Variants in MEIS2 observed in about 807,000 individuals in gnomAD.
MEIS2 encodes homeobox protein Meis2.
MEIS2 carries 9 observed loss-of-function variants against 58.6 expected under a neutral mutation model. That is an observed-to-expected ratio of 0.15 (90% CI 0.09 to 0.27). The LOEUF (loss-of-function observed/expected upper bound fraction) is 0.27, where lower values mean the gene tolerates loss of function less well. Among genes scored for constraint, MEIS2 ranks in the 10% least tolerant of loss-of-function variants. The pLI is 1.00. For synonymous variants in MEIS2, 221 were observed against 228.4 expected (o/e 0.97, Z 0.29); for missense variants, 427 against 635.0 (o/e 0.67, Z 3.52).
At chr15:36,959,112 G>A (rs1260894157) in intron 8 of MEIS2, among the ~76,000 whole-genome samples, 1 of 152,072 alleles carries the variant, frequency 6.6e-6, no homozygotes, top group Non-Finnish European at 1.5e-5. Flanking sequence ...TGAGGTTGAC[G>A]GAGGCAAAAT....
At chr15:37,035,813 A>T (rs1567209529) in intron 8 of MEIS2, among the ~76,000 whole-genome samples, 1 of 152,214 alleles carries the variant, frequency 6.6e-6, no homozygotes, top group South Asian at 2.1e-4. Context: ...ACCATAAATA[A>T]AAGTGGAACC....
At chr15:36,924,568 G>C (rs2057665052) in intron 9 of MEIS2, among the ~76,000 whole-genome samples, 1 of 152,182 alleles carries the variant, frequency 6.6e-6, no homozygotes, top group South Asian at 2.1e-4. Flanking sequence ...CGCCAGTGAG[G>C]ACTGGCCTGT....
chr15:37,016,491 A>G (rs2061352144), intron 8 of MEIS2, among the ~76,000 whole-genome samples: 1 of 152,094 alleles, frequency 6.6e-6, no homozygotes, highest in African/African-American at 2.4e-5. Context: ...CAACTGTATC[A>G]ACGGTAGCAA....
At chr15:36,977,933 A>G (rs1567135325) in intron 8 of MEIS2, among the ~76,000 whole-genome samples, 1 of 152,142 alleles carries the variant, frequency 6.6e-6, no homozygotes, top group Non-Finnish European at 1.5e-5. Context: ...ACTACTATAC[A>G]CAAAATACCC....
At chr15:37,068,741 C>T (rs553979368) in intron 7 of MEIS2, among the ~76,000 whole-genome samples, 93 of 148,456 alleles carry the variant, frequency 6.3e-4, no homozygotes, top group African/African-American at 1.9e-3. Context: ...TAAGTAAAAT[C>T]TTTTTTTTTT....
intron 8 of MEIS2, among the ~76,000 whole-genome samples, chr15:36,970,618 G>A (rs1231307323): frequency 2.0e-5 from 3 of 152,118 alleles, no homozygotes; most frequent in Non-Finnish European, 4.4e-5. Flanking sequence ...ATAGCACAAG[G>A]AAAGTGATTC....
intron 8 of MEIS2, among the ~76,000 whole-genome samples, chr15:37,031,670 G>A (rs1476944307): frequency 6.6e-6 from 1 of 152,024 alleles, no homozygotes; most frequent in Non-Finnish European, 1.5e-5. Flanking sequence ...GTAGTAAAAT[G>A]AGTAAACACC....
At chr15:36,892,720 A>C (rs1778945530) in intron 11 of MEIS2, among the ~76,000 whole-genome samples, 1 of 152,222 alleles carries the variant, frequency 6.6e-6, no homozygotes, top group South Asian at 2.1e-4. Context: ...ACTGTTTTTC[A>C]AAATGGTATT....
chr15:36,984,045 G>A (rs543024963), intron 8 of MEIS2, among the ~76,000 whole-genome samples: 6 of 151,542 alleles, frequency 4.0e-5, no homozygotes, highest in South Asian at 2.1e-4. Context: ...TGGTGTTTTC[G>A]ATATATAAGA....
intron 7 of MEIS2, among the ~76,000 whole-genome samples, chr15:37,055,144 A>G (rs372597138): frequency 6.6e-6 from 1 of 152,234 alleles, no homozygotes; most frequent in Admixed American, 6.5e-5. Flanking sequence ...CTGAGAGCTC[A>G]GAGTCCATCT....
chr15:36,929,137 T>C (rs1250321569), intron 9 of MEIS2, among the ~76,000 whole-genome samples: 1 of 152,244 alleles, frequency 6.6e-6, no homozygotes, highest in Non-Finnish European at 1.5e-5. Flanking sequence ...CTTAGCATTA[T>C]AAATATTTGC....
chr15:37,031,264 G>T (rs1247522503), intron 8 of MEIS2, among the ~76,000 whole-genome samples: 1 of 152,066 alleles, frequency 6.6e-6, no homozygotes, highest in Non-Finnish European at 1.5e-5. Flanking sequence ...CAGATTCCAG[G>T]CCCTGTGCTC....
intron 2 of MEIS2, among the ~76,000 whole-genome samples, 180 bp downstream of exon 2, chr15:37,097,787 T>C (rs1457523871): frequency 1.3e-5 from 2 of 152,016 alleles, no homozygotes; most frequent in African/African-American, 4.8e-5. Context: ...TCTTCGGGGC[T>C]TTGACTCCAG....
chr15:37,099,804 G>GA lies in MEIS2; in HGVS notation c.-339dup, dbSNP rs952111769. 6.4e-4 allele frequency: 147 copies of GA among 227,954 alleles called. No homozygotes were observed. Among genetic ancestry groups the GA allele is most frequent in the South Asian group, 1.5e-3 (8 of 5,324 alleles). The allele number at this position is 227,954 out of a possible 1,614,324, so 14.1% of individuals were successfully genotyped here. ...CTTTCTCTTCTCTTCCCCTCAGTTG[G>GA]AAAAAAAAAGAAAGAAAAGAAAAAG... On this transcript the variant is annotated 5_prime_UTR_variant, in exon 1 of 12. Coordinates refer to ENST00000561208, the MANE Select transcript of MEIS2 (RefSeq NM_170675.5).
intron 7 of MEIS2, among the ~76,000 whole-genome samples, chr15:37,052,491 ACT>A (rs1409116503): frequency 2.0e-5 from 3 of 152,010 alleles, no homozygotes; most frequent in Admixed American, 6.6e-5. Flanking sequence ...CACCACACAG[ACT>A]CTATTCTTAC....
chr15:37,030,617 G>A (rs1346534861), intron 8 of MEIS2, among the ~76,000 whole-genome samples: 4 of 150,816 alleles, frequency 2.7e-5, no homozygotes, highest in Non-Finnish European at 4.4e-5. Context: ...GATTACAGGC[G>A]TGAGTCATCG....
At chr15:36,963,337 G>A (rs995492917) in intron 8 of MEIS2, among the ~76,000 whole-genome samples, 2 of 150,290 alleles carry the variant, frequency 1.3e-5, no homozygotes, top group Non-Finnish European at 2.9e-5. Context: ...CCGCGATTGC[G>A]CCACTGCACT....
At chr15:36,957,840 A>G (rs956750848) in intron 8 of MEIS2, among the ~76,000 whole-genome samples, 1 of 152,214 alleles carries the variant, frequency 6.6e-6, no homozygotes, top group South Asian at 2.1e-4. Flanking sequence ...GCCACAGATA[A>G]GATGCATAAG....
intron 8 of MEIS2, among the ~76,000 whole-genome samples, chr15:36,955,868 C>G (rs924344653): frequency 1.3e-5 from 2 of 151,680 alleles, no homozygotes; most frequent in African/African-American, 4.8e-5. Context: ...ATCAGAACCA[C>G]AAAACATTAA....
Sources: gnomAD v4.1 joint callset for allele counts (sites outside exome capture counted in the v4.1 genomes callset) on GRCh38, gnomAD v4.1.1 for gene constraint, MANE v1.5 for transcripts, NCBI Gene and HGNC (gene_info 2026-07-23, HGNC 2026-07-21) for gene names.